ZKSCAN1: variants seen among roughly 807,000 people sequenced by gnomAD.
ZKSCAN1 encodes the protein zinc finger with KRAB and SCAN domains 1, also known as zinc finger protein with KRAB and SCAN domains 1.
ZKSCAN1 carries 14 observed loss-of-function variants against 51.6 expected under a neutral mutation model. The observed-to-expected ratio is 0.27, with a 90% CI of 0.18 to 0.42. The LOEUF is 0.42. Among genes scored for constraint, ZKSCAN1 ranks in the 10% least tolerant of loss-of-function variants. The pLI is 1.00. For synonymous variants in ZKSCAN1, 263 were observed against 261.5 expected, an observed-to-expected ratio of 1.01 and a Z score of -0.06; for missense variants, 531 against 710.0, an observed-to-expected ratio of 0.75 and a Z score of 2.86.
At chr7:100,030,107 C>A in intron 4 of ZKSCAN1, 142 bp from the exon 5 acceptor site, 1 of 1,420,528 alleles carries the variant, frequency 7.0e-7, no homozygotes, top group African/African-American at 1.4e-5. Context: ...CACAAACTCC[C>A]CTCCACCCCC....
Position 100,023,571 on chromosome 7 carries a change from G to T in ZKSCAN1, c.65G>T (p.Gly22Val). ...CCACAGGCTGCACAGGAGAAGGATG[G>T]TATCGTAATAGTGAAGGTGGAAGAG... ...LSPQAAQEKD[G>V]IVIVKVEEED... Residue 22 changes from glycine to valine, a missense_variant, in exon 2 of 6, where the codon GGT becomes GTT. Gly to Val is a moderately radical substitution (Grantham distance 109). Transcript: ENST00000324306. 6.2e-7 allele frequency: 1 copy of T among 1,613,734 alleles called. No individual in the cohort carries two copies. The highest frequency in any genetic ancestry group is 1.1e-5 in the South Asian group (1 of 91,056).
chr7:100,035,906 A>G lies in ZKSCAN1; in HGVS notation c.*1709A>G. 1.0e-6 allele frequency: 1 copy of G among 985,446 alleles called. No individual in the cohort carries two copies. Among genetic ancestry groups the G allele is most frequent in the Non-Finnish European group, 1.2e-6 (1 of 829,940 alleles). The allele number at this position is 985,446 out of a possible 1,614,324, so 61.0% of individuals were successfully genotyped here. On this transcript the variant is annotated 3_prime_UTR_variant, in exon 6 of 6. Coordinates refer to ENST00000324306, the MANE Select transcript of ZKSCAN1 (RefSeq NM_003439.4). ...CTCAAGTAGGACAAGGGTCCTACCC[A>G]AGGCTAGGACCGCCCTGCGGAAACA...
At chr7:100,027,122 C>T (rs574085935) in intron 3 of ZKSCAN1, among the ~76,000 whole-genome samples, 37 of 152,148 alleles carry the variant, frequency 2.4e-4, no homozygotes, top group African/African-American at 6.0e-4. Context: ...CATGGCGAAA[C>T]GCCGTCTGTA....
rs1360761073 is a variant in ZKSCAN1, at chr7:100,036,295, C to T, written c.*2098C>T. 9 of 985,290 alleles carry T rather than the reference C, an allele frequency of 9.1e-6. No homozygotes were observed. The highest frequency in any genetic ancestry group is 2.3e-4 in the East Asian group (2 of 8,828). The allele number at this position is 985,290 out of a possible 1,614,324, so 61.0% of individuals were successfully genotyped here. On this transcript the variant is annotated 3_prime_UTR_variant, in exon 6 of 6. Coordinates refer to ENST00000324306, the MANE Select transcript of ZKSCAN1 (RefSeq NM_003439.4). ...GCAACGGAAGAAAAACCCATTACTC[C>T]AGAAGAGTATATCTAAGTAACTAAA...
rs1289713839 is a variant in ZKSCAN1 at position 100,038,157 on chromosome 7, A to G, written c.*3960A>G. The G allele has an allele frequency of 9.1e-6, 9 of 985,414 alleles. No individual in the cohort carries two copies. The highest frequency in any genetic ancestry group is 5.2e-4 in the Middle Eastern group (1 of 1,914). 61.0% of individuals were successfully genotyped at this position (985,414 alleles called of 1,614,324 possible). ...AAAATTGTTAACGTTAGGTACTTCT[A>G]TATATTTTATATGACCATAATGTCC... On this transcript the variant is annotated 3_prime_UTR_variant, in exon 6 of 6. Coordinates refer to ENST00000324306, the MANE Select transcript of ZKSCAN1 (RefSeq NM_003439.4).
chr7:100,044,852 C>T (rs1474002868), downstream of ZKSCAN1: 4 of 985,180 alleles, frequency 4.1e-6, no homozygotes, highest in East Asian at 1.1e-4. Context: ...AGGACATGTT[C>T]GGAGTTGTCA....
chr7:100,035,970 T>C lies in ZKSCAN1; in HGVS notation c.*1773T>C, dbSNP rs963274301. The C allele has an allele frequency of 1.0e-6, 1 of 985,478 alleles. No homozygotes were observed. Among genetic ancestry groups the C allele is most frequent in the Non-Finnish European group, 1.2e-6 (1 of 829,948 alleles). The allele number at this position is 985,478 out of a possible 1,614,324, so 61.0% of individuals were successfully genotyped here. A position where few individuals can be genotyped will look rare whatever the true frequency, so the allele number is the denominator to read the frequency against. ...AGAACAAACCTCAAGACTATCAGTG[T>C]GACCTCCCCATAACAAGAGAACCCC... is the stretch of plus-strand genomic sequence containing the variant. On this transcript the variant is annotated 3_prime_UTR_variant, in exon 6 of 6. Transcript: ENST00000324306.
intron 1 of ZKSCAN1, among the ~76,000 whole-genome samples, chr7:100,016,255 G>A (rs1317869941): frequency 1.3e-5 from 2 of 152,118 alleles, no homozygotes; most frequent in South Asian, 2.1e-4. Flanking sequence ...TCATCACTGA[G>A]CGGTGATTAA....
At chr7:100,021,161 C>A (rs1252991300) in intron 1 of ZKSCAN1, among the ~76,000 whole-genome samples, 1 of 110,606 alleles carries the variant, frequency 9.0e-6, no homozygotes, top group Non-Finnish European at 1.8e-5. Context: ...CACTTTGTTA[C>A]CCAGGCTGGA....
At position 100,037,696 on chromosome 7, in the gene ZKSCAN1, T is replaced by C; in HGVS notation, c.*3499T>C. On this transcript the variant is annotated 3_prime_UTR_variant, in exon 6 of 6. Transcript: ENST00000324306. ...GAATTCCGTCGGTATGTTCCAATCG[T>C]GATGAATTTGAGAAACATTGCAAGA... 1 of 985,450 alleles carries C rather than the reference T, an allele frequency of 1.0e-6. No individual in the cohort carries two copies. The highest frequency in any genetic ancestry group is 1.2e-6 in the Non-Finnish European group (1 of 829,936). 61.0% of individuals were successfully genotyped at this position (985,450 alleles called of 1,614,324 possible). A position where few individuals can be genotyped will look rare whatever the true frequency, so the allele number is the denominator to read the frequency against.
At chr7:100,030,702 C>A (rs929997682) in intron 5 of ZKSCAN1, among the ~76,000 whole-genome samples, 1 of 42,950 alleles carries the variant, frequency 2.3e-5, no homozygotes, top group African/African-American at 1.1e-4. Context: ...AATTTAGGTG[C>A]CTCTGTCGGG....
At chr7:100,043,771 A>ATTTTTT (rs772298225), downstream of ZKSCAN1, among the ~76,000 whole-genome samples, 3 of 58,920 alleles carry the variant, frequency 5.1e-5, no homozygotes, top group South Asian at 9.5e-4. Context: ...TTCTTTCTTG[A>ATTTTTT]TTTTTTTTTT....
Position 100,041,263 on chromosome 7 carries a change from A to G in ZKSCAN1, c.*7066A>G. On this transcript the variant is annotated 3_prime_UTR_variant, in exon 6 of 6. Coordinates refer to ENST00000324306, the MANE Select transcript of ZKSCAN1 (RefSeq NM_003439.4). The stretch of plus-strand genomic sequence containing the variant: ...ATGAAGTTACTGTTGTTAAAACTGG[A>G]TTTTTTCATTTTACTAGGTTCCGAA... 4 of 960,476 alleles carry G rather than the reference A, an allele frequency of 4.2e-6. No individual in the cohort carries two copies. The highest frequency in any genetic ancestry group is 5.0e-6 in the Non-Finnish European group (4 of 807,362). The allele number at this position is 960,476 out of a possible 1,614,324, so 59.5% of individuals were successfully genotyped here.
Position 100,040,537 on chromosome 7 carries a change from A to G in ZKSCAN1, c.*6340A>G, listed in dbSNP as rs536623801. ...TATTTAAAAACTTGGATTTCATTCC[A>G]GTGTCAGGTTTGGGTTTTAAGTTCC... On this transcript the variant is annotated 3_prime_UTR_variant, in exon 6 of 6. Coordinates refer to ENST00000324306, the MANE Select transcript of ZKSCAN1 (RefSeq NM_003439.4). 2 of 985,438 alleles carry G rather than the reference A, an allele frequency of 2.0e-6. No individual in the cohort carries two copies. The highest frequency in any genetic ancestry group is 2.4e-6 in the Non-Finnish European group (2 of 829,928). The allele number at this position is 985,438 out of a possible 1,614,324, so 61.0% of individuals were successfully genotyped here. A position where few individuals can be genotyped will look rare whatever the true frequency, so the allele number is the denominator to read the frequency against.
intron 1 of ZKSCAN1, among the ~76,000 whole-genome samples, chr7:100,017,117 A>G (rs1370191350): frequency 3.3e-5 from 5 of 152,150 alleles, no homozygotes; most frequent in Non-Finnish European, 5.9e-5. Context: ...GAGTATCAAT[A>G]TTCTTTGAAT....
rs994847982 is a variant in ZKSCAN1 at position 100,039,764 on chromosome 7, C to T, written c.*5567C>T. The T allele has an allele frequency of 1.0e-6, 1 of 985,276 alleles. No individual in the cohort carries two copies. Among genetic ancestry groups the T allele is most frequent in the Non-Finnish European group, 1.2e-6 (1 of 829,934 alleles). The allele number at this position is 985,276 out of a possible 1,614,324, so 61.0% of individuals were successfully genotyped here. On this transcript the variant is annotated 3_prime_UTR_variant, in exon 6 of 6. Transcript: ENST00000324306. ...GGGCCATATTTCTCTGTGTCCTACT[C>T]TGAGCAACTTCTCAGAGATACGAGG...
rs1324273915 is a variant in ZKSCAN1 at position 100,037,724 on chromosome 7, G to A, written c.*3527G>A. The A allele has an allele frequency of 1.0e-6, 1 of 985,440 alleles. No individual in the cohort carries two copies. The highest frequency in any genetic ancestry group is 4.7e-5 in the South Asian group (1 of 21,288). The allele number at this position is 985,440 out of a possible 1,614,324, so 61.0% of individuals were successfully genotyped here. The stretch of plus-strand genomic sequence containing the variant: ...TGAATTTGAGAAACATTGCAAGAGG[G>A]AGCTCAATCTTGGCCGGGCGCCGTG... On this transcript the variant is annotated 3_prime_UTR_variant, in exon 6 of 6. Transcript: ENST00000324306.
chr7:100,019,592 A>G (rs1396886950), intron 1 of ZKSCAN1, among the ~76,000 whole-genome samples: 2 of 152,224 alleles, frequency 1.3e-5, no homozygotes, highest in Non-Finnish European at 2.9e-5. Flanking sequence ...AATTTTGTAT[A>G]ATGGTTAAAG....
Position 100,040,447 on chromosome 7 carries a change from A to C in ZKSCAN1, c.*6250A>C, listed in dbSNP as rs1184984724. The C allele has an allele frequency of 1.0e-6, 1 of 985,414 alleles. No individual in the cohort carries two copies. Among genetic ancestry groups the C allele is most frequent in the Non-Finnish European group, 1.2e-6 (1 of 829,936 alleles). 61.0% of individuals were successfully genotyped at this position (985,414 alleles called of 1,614,324 possible). A position where few individuals can be genotyped will look rare whatever the true frequency, so the allele number is the denominator to read the frequency against. On this transcript the variant is annotated 3_prime_UTR_variant, in exon 6 of 6. Transcript: ENST00000324306. The stretch of plus-strand genomic sequence containing the variant: ...ATGGAATTTTCTCCCTTCAGCAAGC[A>C]CTCATTAAGGAGTGAGGCTGAGTAT...
Sources: gnomAD v4.1 joint callset for allele counts (sites outside exome capture counted in the v4.1 genomes callset) on GRCh38, gnomAD v4.1.1 for gene constraint, MANE v1.5 for transcripts, NCBI Gene and HGNC (gene_info 2026-07-23, HGNC 2026-07-21) for gene names.